Variants in GGT5 observed in about 807,000 individuals in gnomAD.
GGT5 encodes the protein glutathione hydrolase 5 proenzyme.
Under a neutral mutation model 58.1 loss-of-function variants are expected in GGT5, and 50 were observed. That is an observed-to-expected ratio of 0.86 (90% CI 0.69 to 1.09). GGT5 has a LOEUF of 1.09. Ranked by LOEUF, GGT5 falls within the 50% of genes least tolerant of loss-of-function variation. The pLI, the probability that GGT5 is intolerant of heterozygous loss-of-function variation, is 0.00. For synonymous variants in GGT5, 370 were observed against 346.1 expected (o/e 1.07, Z -0.77); for missense variants, 800 against 789.4 (o/e 1.01, Z -0.16).
At position 24,226,122 on chromosome 22, in the gene GGT5, C is replaced by G. The variant is rs2047754137; in HGVS notation, c.1183G>C (p.Gly395Arg). The G allele has an allele frequency of 2.5e-6, 4 of 1,609,362 alleles. No individual in the cohort carries two copies. The highest frequency in any genetic ancestry group is 3.4e-6 in the Non-Finnish European group (4 of 1,178,304). The change falls in exon 8 of 12, where the codon GGG becomes CGG. Residue 395 changes from glycine (G) to arginine (R), a missense_variant. Gly to Arg is a moderately radical substitution (Grantham distance 125, BLOSUM62 -2). Coordinates refer to ENST00000327365, the MANE Select transcript of GGT5 (RefSeq NM_004121.5). ...GTGTSHVSVL[G>R]EDGSAVAATS... is the part of the protein sequence containing the mutation. ...GCAGCCACGGCGCTGCCATCCTCCCCCAGCACAGACACATGGGACGTGCCT... is the reference window on the plus strand; with the variant it reads ...GCAGCCACGGCGCTGCCATCCTCCCGCAGCACAGACACATGGGACGTGCCT...
intron 6 of GGT5, 107 bp downstream of exon 6, chr22:24,231,277 G>A (rs2047928898): frequency 1.4e-6 from 1 of 700,154 alleles, no homozygotes. Context: ...TTATGGAGGA[G>A]GAGGCTGAGC....
chr22:24,225,467 C>T (rs2047724721), intron 9 of GGT5, 56 bp from the exon 10 acceptor site: 2 of 1,596,472 alleles, frequency 1.3e-6, no homozygotes, highest in Non-Finnish European at 1.7e-6. Flanking sequence ...GGTTAGCATG[C>T]AACCCCAGCC....
intron 1 of GGT5, among the ~76,000 whole-genome samples, chr22:24,239,315 G>T (rs1270235245): frequency 6.6e-6 from 1 of 151,804 alleles, no homozygotes; most frequent in Admixed American, 6.6e-5. Context: ...CTCCAGCCTG[G>T]GCGACAGAGC....
At chr22:24,231,675 C>T in intron 5 of GGT5, 145 bp from the exon 6 acceptor site, 1 of 833,156 alleles carries the variant, frequency 1.2e-6, no homozygotes, top group South Asian at 1.7e-5. Flanking sequence ...AGGCAGTGGC[C>T]TCAGGACTGG....
In GGT5 at chr22:24,244,686, G is replaced by T. The variant is rs748061684; in HGVS notation, c.40C>A (p.Leu14Met). Residue 14 changes from leucine to methionine, a missense_variant, in exon 1 of 12, where the codon CTG (leucine) becomes ATG (methionine). Coordinates refer to ENST00000327365, the MANE Select transcript of GGT5 (RefSeq NM_004121.5). ...ACAGCCAGCGCCAGCCCCAGACCCA[G>T]CAGGACTAGGCTGACCGTGGCCCCG... ...GYGATVSLVL[L>M]GLGLALAVIV... is the part of the protein sequence containing the mutation. The T allele has an allele frequency of 6.2e-7, 1 of 1,612,698 alleles. No homozygotes were observed.
At chr22:24,224,205 G>A (rs1228666532) in intron 11 of GGT5, among the ~76,000 whole-genome samples, 3 of 151,948 alleles carry the variant, frequency 2.0e-5, no homozygotes, top group Admixed American at 2.0e-4. Context: ...GGCTTCTGTG[G>A]GGAATCAAAA....
At chr22:24,233,758 AG>A (rs1212367267) in intron 2 of GGT5, 115 bp downstream of exon 2, 19 of 1,058,666 alleles carry the variant, frequency 1.8e-5, no homozygotes, top group Non-Finnish European at 4.3e-6. Flanking sequence ...GGGGCAGGGC[AG>A]GGGGCCCAAG....
At chr22:24,225,929 G>T in intron 8 of GGT5, 147 bp downstream of exon 8, 3 of 649,680 alleles carry the variant, frequency 4.6e-6, no homozygotes, top group Non-Finnish European at 7.8e-6. Context: ...TGTCAGGGGT[G>T]GGGGCCTCTT....
chr22:24,232,431 C>T (rs2047972682), intron 4 of GGT5, among the ~76,000 whole-genome samples: 1 of 152,138 alleles, frequency 6.6e-6, no homozygotes, highest in African/African-American at 2.4e-5. Flanking sequence ...GCAAATTTCC[C>T]AGTGGGGCCT....
At chr22:24,234,435 A>G (rs894066042) in intron 1 of GGT5, among the ~76,000 whole-genome samples, 10 of 152,186 alleles carry the variant, frequency 6.6e-5, no homozygotes, top group African/African-American at 2.4e-4. Context: ...GGCCTTTGGC[A>G]GGTGATCCCA....
chr22:24,239,525 G>A (rs1267255214), intron 1 of GGT5, among the ~76,000 whole-genome samples: 1 of 151,984 alleles, frequency 6.6e-6, no homozygotes, highest in African/African-American at 2.4e-5. Flanking sequence ...AGGGAAGCAG[G>A]AAAGAGTATA....
At chr22:24,223,564 G>T (rs747960757) in intron 11 of GGT5, among the ~76,000 whole-genome samples, 4 of 152,020 alleles carry the variant, frequency 2.6e-5, no homozygotes, top group Non-Finnish European at 5.9e-5. Flanking sequence ...AACTCCAAGA[G>T]TTTGAGCCTA....
At chr22:24,232,781 G>A in intron 4 of GGT5, 42 bp downstream of exon 4, 3 of 1,370,682 alleles carry the variant, frequency 2.2e-6, no homozygotes. Context: ...GACAGGATAT[G>A]GCCTTGAACC....
chr22:24,227,877 C>T (rs1353711151), intron 6 of GGT5, among the ~76,000 whole-genome samples: 1 of 151,488 alleles, frequency 6.6e-6, no homozygotes, highest in African/African-American at 2.4e-5. Context: ...TGGTGAAACC[C>T]CATCTCTACA....
chr22:24,219,924 A>G lies in GGT5; in HGVS notation c.*46T>C. ...CCCCAGCCATGTCCGGCCTGGACAC[A>G]GGACTCATGGTGGGGCCAGACTTCA... On this transcript the variant is annotated 3_prime_UTR_variant, in exon 12 of 12. Coordinates refer to ENST00000327365, the MANE Select transcript of GGT5 (RefSeq NM_004121.5). 1.9e-6 allele frequency: 3 copies of G among 1,596,652 alleles called. No individual in the cohort carries two copies. The highest frequency in any genetic ancestry group is 1.1e-5 in the South Asian group (1 of 90,626).
At chr22:24,237,774 C>T (rs1230708785) in intron 1 of GGT5, among the ~76,000 whole-genome samples, 1 of 152,156 alleles carries the variant, frequency 6.6e-6, no homozygotes, top group Admixed American at 6.6e-5. Context: ...GGAAATAAGA[C>T]AGCAGGAACA....
At chr22:24,226,591 G>T (rs369718082) in intron 7 of GGT5, 40 bp downstream of exon 7, 33 of 1,607,666 alleles carry the variant, frequency 2.1e-5, no homozygotes, top group Non-Finnish European at 7.7e-6. Flanking sequence ...GAGCCAGGGA[G>T]GAGGACGGCC....
Position 24,219,963 on chromosome 22 carries a change from C to T in GGT5, c.*7G>A. 6.2e-7 allele frequency: 1 copy of T among 1,613,868 alleles called. No individual in the cohort carries two copies. Among genetic ancestry groups the T allele is most frequent in the Non-Finnish European group, 8.5e-7 (1 of 1,179,826 alleles). ...GGCCAGACTTCAGCTCTGGGCAGAGCAGTGTCTTAGTAGCCTGCGGCCTCC... is the reference window on the plus strand; with the variant it reads ...GGCCAGACTTCAGCTCTGGGCAGAGTAGTGTCTTAGTAGCCTGCGGCCTCC... On this transcript the variant is annotated 3_prime_UTR_variant, in exon 12 of 12. Transcript: ENST00000327365.
At chr22:24,225,700 AC>A in intron 8 of GGT5, 48 bp from the exon 9 acceptor site, 1 of 1,094,378 alleles carries the variant, frequency 9.1e-7, no homozygotes, top group Non-Finnish European at 1.4e-6. Flanking sequence ...CGGGGCTCCC[AC>A]CAGACACCAC....
Sources: allele counts gnomAD v4.1 joint callset (sites outside exome capture counted in the v4.1 genomes callset), GRCh38; gene constraint gnomAD v4.1.1; transcripts MANE v1.5; gene names NCBI Gene and HGNC (gene_info 2026-07-23, HGNC 2026-07-21).